The following GBE1 variants were observed in gnomAD, a reference collection of about 807,000 sequenced individuals.
GBE1 encodes the protein 1,4-alpha-glucan-branching enzyme.
GBE1 carries 70 observed loss-of-function variants against 88.8 expected under a neutral mutation model. The observed-to-expected ratio is 0.79, with a 90% confidence interval of 0.65 to 0.96. The LOEUF is 0.96. GBE1 is among the 40% of genes least tolerant of loss of function. The pLI, the probability that GBE1 is intolerant of heterozygous loss-of-function variation, is 0.00. For synonymous variants in GBE1, 284 were observed against 300.1 expected, an observed-to-expected ratio of 0.95 and a Z score of 0.56; for missense variants, 872 against 871.0, an observed-to-expected ratio of 1.00 and a Z score of -0.01.
chr3:81,622,429 T>C (rs1256899395), intron 7 of GBE1, among the ~76,000 whole-genome samples: 1 of 152,198 alleles, frequency 6.6e-6, no homozygotes, highest in Non-Finnish European at 1.5e-5. Context: ...GACCTCTTTA[T>C]GTTAGAGTAA....
intron 14 of GBE1, among the ~76,000 whole-genome samples, chr3:81,527,870 T>C (rs1264977935): frequency 6.6e-6 from 1 of 152,070 alleles, no homozygotes; most frequent in African/African-American, 2.4e-5. Flanking sequence ...TTACTGGGTA[T>C]ATACCCAAAG....
In GBE1 at chr3:81,705,604, C is replaced by G. The variant is rs760281369; in HGVS notation, c.153G>C (p.Gln51His). ...CAATGTTCTTCAAAATTTGGCTAAA[C>G]TGCTTATACCTTTGAAGAAGTATGA... ...YAVDFQRRYK[Q>H]FSQILKNIGE... The change falls in exon 2 of 16, where the codon CAG becomes CAC. Residue 51 changes from glutamine to histidine, a missense_variant. By Grantham distance (24) the Gln-to-His change is conservative. Transcript: ENST00000429644. The G allele has an allele frequency of 1.2e-5, 18 of 1,542,056 alleles. No homozygotes were observed. In the Middle Eastern group the frequency reaches 8.4e-4, roughly 72 times the overall value.
chr3:81,681,487 A>G (rs1372726385), intron 2 of GBE1, among the ~76,000 whole-genome samples: 1 of 152,202 alleles, frequency 6.6e-6, no homozygotes, highest in Non-Finnish European at 1.5e-5. Context: ...ATGGTGTGGG[A>G]GCATGGCAAT....
intron 3 of GBE1, among the ~76,000 whole-genome samples, chr3:81,661,668 A>G (rs1315834340): frequency 6.6e-6 from 1 of 152,126 alleles, no homozygotes; most frequent in East Asian, 1.9e-4. Flanking sequence ...CCACCATCCT[A>G]CCAATTGTTC....
chr3:81,573,666 A>G (rs1174334856), intron 12 of GBE1, among the ~76,000 whole-genome samples: 1 of 152,170 alleles, frequency 6.6e-6, no homozygotes, highest in Non-Finnish European at 1.5e-5. Context: ...AGAATGCATT[A>G]TGAATATATT....
chr3:81,684,947 G>A (rs1326510087), intron 2 of GBE1, among the ~76,000 whole-genome samples: 1 of 152,100 alleles, frequency 6.6e-6, no homozygotes, highest in Non-Finnish European at 1.5e-5. Flanking sequence ...CTACTCTCTC[G>A]ATATTCAACC....
chr3:81,520,669 G>A (rs1702860509), intron 14 of GBE1, among the ~76,000 whole-genome samples: 3 of 151,544 alleles, frequency 2.0e-5, no homozygotes, highest in African/African-American at 2.4e-5. Context: ...TCAGGAAAAT[G>A]TATTTTATCT....
rs998578212 is a variant in GBE1 at position 81,608,641 on chromosome 3, A to T, written c.993-14618T>A. Among the ~76,000 whole-genome samples the T allele has an allele frequency of 3.9e-5, 6 of 152,172 alleles. No individual in the cohort carries two copies. In the East Asian group the frequency reaches 1.2e-3, roughly 29 times the overall value. On this transcript the variant is annotated intron_variant, in intron 7 of 15. Transcript: ENST00000429644. Reference sequence around the variant, plus strand: ...TGAGATAATAACTGTCAGTTATGATATATCTGTTAACTCCTTAAGATGATT... The same window carrying T: ...TGAGATAATAACTGTCAGTTATGATTTATCTGTTAACTCCTTAAGATGATT...
At chr3:81,536,101 G>C (rs1703070098) in intron 13 of GBE1, among the ~76,000 whole-genome samples, 1 of 151,850 alleles carries the variant, frequency 6.6e-6, no homozygotes, top group South Asian at 2.1e-4. Context: ...TATTGAAAAG[G>C]AGCATCATTT....
At chr3:81,582,454 T>G (rs1456827241) in intron 10 of GBE1, among the ~76,000 whole-genome samples, 1 of 152,140 alleles carries the variant, frequency 6.6e-6, no homozygotes, top group Non-Finnish European at 1.5e-5. Context: ...GTTTACACTT[T>G]GATTTTAGTC....
intron 1 of GBE1, among the ~76,000 whole-genome samples, chr3:81,748,576 A>T (rs554039163): frequency 6.6e-6 from 1 of 152,164 alleles, no homozygotes; most frequent in South Asian, 2.1e-4. Flanking sequence ...GCGCCACTGC[A>T]CTCCAGCCTG....
chr3:81,727,325 C>A (rs1706126991), intron 1 of GBE1, among the ~76,000 whole-genome samples: 1 of 152,060 alleles, frequency 6.6e-6, no homozygotes, highest in African/African-American at 2.4e-5. Flanking sequence ...TACTAATCTA[C>A]CATGAGAAAG....
chr3:81,666,297 G>A (rs1490855744), intron 3 of GBE1, among the ~76,000 whole-genome samples: 2 of 152,108 alleles, frequency 1.3e-5, no homozygotes, highest in African/African-American at 2.4e-5. Context: ...AGCCTGGAGG[G>A]CCAGGCCATT....
rs560715149 is a variant in GBE1 at position 81,538,787 on chromosome 3, G to T, written c.1619-1692C>A. ...ACTAGCGGGATTTTAACTAGTGGAT[G>T]ATTTACAAGAGACTAGAAATGCCAT... is the stretch of plus-strand genomic sequence containing the variant. On this transcript the variant is annotated intron_variant, in intron 12 of 15. Coordinates refer to ENST00000429644, the MANE Select transcript of GBE1 (RefSeq NM_000158.4). Among the ~76,000 whole-genome samples, 8 of 152,124 alleles carry T rather than the reference G, an allele frequency of 5.3e-5. No homozygotes were observed. In the South Asian group the frequency reaches 1.7e-3, roughly 32 times the overall value.
At chr3:81,623,361 T>C (rs1014605986) in intron 7 of GBE1, among the ~76,000 whole-genome samples, 1 of 152,234 alleles carries the variant, frequency 6.6e-6, no homozygotes, top group African/African-American at 2.4e-5. Flanking sequence ...TGCTTAAATA[T>C]CACCTTTTCA....
chr3:81,591,167 TA>T lies in GBE1; in HGVS notation c.1109-4del. 1 of 1,592,370 alleles carries T rather than the reference TA, an allele frequency of 6.3e-7. No individual in the cohort carries two copies. The highest frequency in any genetic ancestry group is 1.7e-5 in the Admixed American group (1 of 57,222). On this transcript the variant is annotated splice_region_variant and splice_polypyrimidine_tract_variant and intron_variant, in intron 8 of 15. Transcript: ENST00000429644. ...GTAATCACCTGAGAAACCTTGACCT[TA>T]GAAAAAGAAAATCAATACGGATATA...
intron 10 of GBE1, among the ~76,000 whole-genome samples, chr3:81,583,556 T>A (rs906033431): frequency 6.6e-6 from 1 of 152,108 alleles, no homozygotes; most frequent in African/African-American, 2.4e-5. Context: ...GCTGTTGATA[T>A]ATGCAACAAG....
At chr3:81,696,159 C>A (rs1393020794) in intron 2 of GBE1, among the ~76,000 whole-genome samples, 1 of 152,078 alleles carries the variant, frequency 6.6e-6, no homozygotes, top group African/African-American at 2.4e-5. Flanking sequence ...GGAAAATAAT[C>A]TGAAATGAAG....
intron 3 of GBE1, among the ~76,000 whole-genome samples, chr3:81,668,366 T>A (rs1266902017): frequency 6.6e-6 from 1 of 152,098 alleles, no homozygotes; most frequent in Non-Finnish European, 1.5e-5. Flanking sequence ...AAAATAAAGC[T>A]ATATTAATCA....
Sources: allele counts gnomAD v4.1 joint callset (sites outside exome capture counted in the v4.1 genomes callset), GRCh38; gene constraint gnomAD v4.1.1; transcripts MANE v1.5; gene names NCBI Gene and HGNC (gene_info 2026-07-23, HGNC 2026-07-21).